CAMK1D: variants seen among roughly 807,000 people sequenced by gnomAD.
CAMK1D encodes the protein calcium/calmodulin-dependent protein kinase type 1D.
In CAMK1D, 9 loss-of-function variants were observed where a neutral mutation model predicts 47.7. The ratio of observed to expected loss-of-function variants is 0.19; its 90% CI spans 0.11 to 0.33. The LOEUF is 0.33. Among genes scored for constraint, CAMK1D ranks in the 10% least tolerant of loss-of-function variants. The probability of loss-of-function intolerance (pLI) is 1.00; values close to 1 mark genes in which losing one functional copy is unlikely to be tolerated. For missense variants in CAMK1D, 291 were observed against 488.7 expected (o/e 0.60, Z 3.81); for synonymous variants, 184 against 184.9 (o/e 0.99, Z 0.04).
At chr10:12,727,205 C>T (rs1377014213) in intron 3 of CAMK1D, among the ~76,000 whole-genome samples, 1 of 152,182 alleles carries the variant, frequency 6.6e-6, no homozygotes, top group East Asian at 1.9e-4. Flanking sequence ...TGATGCTAGG[C>T]TACAACTTAC....
At chr10:12,465,669 T>C (rs1833569226) in intron 1 of CAMK1D, among the ~76,000 whole-genome samples, 1 of 152,230 alleles carries the variant, frequency 6.6e-6, no homozygotes. Context: ...CAATCTTATT[T>C]TTAACAAGCA....
At chr10:12,420,927 G>C (rs934959054) in intron 1 of CAMK1D, among the ~76,000 whole-genome samples, 1 of 152,192 alleles carries the variant, frequency 6.6e-6, no homozygotes, top group African/African-American at 2.4e-5. Context: ...CGTCTGTTCT[G>C]TGAGCTCGCC....
At chr10:12,457,390 CA>C (rs60189486) in intron 1 of CAMK1D, among the ~76,000 whole-genome samples, 2,110 of 131,934 alleles carry the variant, frequency 0.016, 40 homozygotes, top group African/African-American at 0.05. Context: ...GACTCTGTCT[CA>C]AAAAAAAAAA....
At chr10:12,536,783 C>A (rs987072819) in intron 1 of CAMK1D, among the ~76,000 whole-genome samples, 3 of 152,070 alleles carry the variant, frequency 2.0e-5, no homozygotes, top group Non-Finnish European at 2.9e-5. Context: ...CTTTTGGTAA[C>A]CTTTTTTTCA....
At chr10:12,439,338 TG>T (rs1564340844) in intron 1 of CAMK1D, among the ~76,000 whole-genome samples, 1 of 152,226 alleles carries the variant, frequency 6.6e-6, no homozygotes, top group African/African-American at 2.4e-5. Flanking sequence ...ATTTATTGAC[TG>T]GAGGCCAGAC....
intron 6 of CAMK1D, among the ~76,000 whole-genome samples, chr10:12,793,827 G>A (rs1029729212): frequency 6.6e-6 from 1 of 152,174 alleles, no homozygotes; most frequent in Admixed American, 6.5e-5. Context: ...GTTGGCAGTA[G>A]GCAACTAACC....
chr10:12,358,140 A>G (rs535216788), intron 1 of CAMK1D, among the ~76,000 whole-genome samples: 1 of 152,136 alleles, frequency 6.6e-6, no homozygotes, highest in Non-Finnish European at 1.5e-5. Flanking sequence ...CAGAAGGATC[A>G]CTTGAGGCTG....
At chr10:12,618,553 G>T (rs1482962868) in intron 2 of CAMK1D, among the ~76,000 whole-genome samples, 1 of 152,084 alleles carries the variant, frequency 6.6e-6, no homozygotes, top group Non-Finnish European at 1.5e-5. Flanking sequence ...GGGATTTTTT[G>T]GGAGCCTCAT....
At chr10:12,621,587 TC>T (rs1373337465) in intron 2 of CAMK1D, among the ~76,000 whole-genome samples, 1 of 152,232 alleles carries the variant, frequency 6.6e-6, no homozygotes, top group Non-Finnish European at 1.5e-5. Flanking sequence ...CTAAGCATTT[TC>T]CTTATTTTCA....
intron 3 of CAMK1D, chr10:12,760,710 G>A: frequency 4.2e-6 from 2 of 470,654 alleles, no homozygotes; most frequent in Non-Finnish European, 3.9e-6. Context: ...CAGAACCCAG[G>A]TGTGGCTGGT....
intron 3 of CAMK1D, among the ~76,000 whole-genome samples, chr10:12,687,802 T>C (rs77378497): frequency 0.034 from 5,215 of 152,274 alleles, 288 homozygotes; most frequent in African/African-American, 0.11. Flanking sequence ...TCAGGAATTT[T>C]CCTCCCCATT....
intron 3 of CAMK1D, among the ~76,000 whole-genome samples, chr10:12,751,868 G>T (rs1017305944): frequency 6.6e-6 from 1 of 152,162 alleles, no homozygotes; most frequent in African/African-American, 2.4e-5. Flanking sequence ...CCCAGAAGCC[G>T]CTGAGACTTC....
At chr10:12,529,638 TAGAGACGAG>T (rs1321557683) in intron 1 of CAMK1D, among the ~76,000 whole-genome samples, 4 of 152,296 alleles carry the variant, frequency 2.6e-5, no homozygotes, top group Non-Finnish European at 2.9e-5. Flanking sequence ...TCTAAGGTCA[TAGAGACGAG>T]CCACACAGTG....
At chr10:12,518,125 T>C (rs183607414) in intron 1 of CAMK1D, among the ~76,000 whole-genome samples, 2 of 152,332 alleles carry the variant, frequency 1.3e-5, no homozygotes, top group East Asian at 1.9e-4. Context: ...TTTTATCTAC[T>C]AAAGAACTGG....
chr10:12,571,001 A>T (rs987566102), intron 2 of CAMK1D, among the ~76,000 whole-genome samples: 1 of 152,078 alleles, frequency 6.6e-6, no homozygotes, highest in African/African-American at 2.4e-5. Context: ...TGTAGGTCTC[A>T]CATCTGGCTG....
chr10:12,720,199 G>A (rs575401481), intron 3 of CAMK1D, among the ~76,000 whole-genome samples: 15 of 152,218 alleles, frequency 9.9e-5, no homozygotes, highest in Non-Finnish European at 1.8e-4. Context: ...CTGAACCACA[G>A]AGGACTGGAT....
chr10:12,428,407 ATTTCT>A (rs1336026014), intron 1 of CAMK1D, among the ~76,000 whole-genome samples: 26 of 151,922 alleles, frequency 1.7e-4, no homozygotes, highest in African/African-American at 6.3e-4. Context: ...TCTCACCAAA[ATTTCT>A]TTTCTTTCTC....
At chr10:12,736,142 C>T (rs528765401) in intron 3 of CAMK1D, among the ~76,000 whole-genome samples, 2 of 152,332 alleles carry the variant, frequency 1.3e-5, no homozygotes, top group South Asian at 4.1e-4. Flanking sequence ...TCCAGAGAGC[C>T]TCTGATGGTT....
At chr10:12,570,849 G>A (rs1010471143) in intron 2 of CAMK1D, among the ~76,000 whole-genome samples, 2 of 152,140 alleles carry the variant, frequency 1.3e-5, no homozygotes, top group African/African-American at 4.8e-5. Context: ...CTACTCAGGA[G>A]GCTGAGAGAG....
Sources: gnomAD v4.1 joint callset for allele counts (sites outside exome capture counted in the v4.1 genomes callset) on GRCh38, gnomAD v4.1.1 for gene constraint, MANE v1.5 for transcripts, NCBI Gene and HGNC (gene_info 2026-07-23, HGNC 2026-07-21) for gene names.